PLCL1: variants seen among roughly 807,000 people sequenced by gnomAD.
PLCL1 encodes the protein phospholipase C like 1 (inactive).
A neutral mutation model predicts 84.4 loss-of-function variants in PLCL1; 41 were observed. That is an observed-to-expected ratio of 0.49 (90% CI 0.38 to 0.63). The LOEUF (loss-of-function observed/expected upper bound fraction) is 0.63, where lower values mean the gene tolerates loss of function less well. Among genes scored for constraint, PLCL1 ranks in the 30% least tolerant of loss-of-function variants. The pLI is 0.00. For missense variants in PLCL1, 1,206 were observed against 1,367.8 expected (o/e 0.88, Z 1.87); for synonymous variants, 490 against 488.3 (o/e 1.00, Z -0.05).
At chr2:198,075,206 G>C (rs904079177) in intron 1 of PLCL1, among the ~76,000 whole-genome samples, 11 of 152,184 alleles carry the variant, frequency 7.2e-5, no homozygotes, top group Non-Finnish European at 1.5e-5. Flanking sequence ...GGACAGAATC[G>C]TATCTCGGTC....
chr2:197,972,123 T>C (rs1689881376), intron 1 of PLCL1, among the ~76,000 whole-genome samples: 1 of 152,206 alleles, frequency 6.6e-6, no homozygotes, highest in African/African-American at 2.4e-5. Flanking sequence ...AAAGTGAACA[T>C]TTCTTCAGAA....
chr2:197,908,840 A>C (rs1029302093), intron 1 of PLCL1, among the ~76,000 whole-genome samples: 2 of 152,220 alleles, frequency 1.3e-5, no homozygotes, highest in African/African-American at 4.8e-5. Context: ...TTAAAAATAG[A>C]AAATGTGTGT....
rs181048380 is a variant in PLCL1, at chr2:198,045,427, A to T, written c.241-38331A>T. 3.8e-3 allele frequency among the ~76,000 whole-genome samples: 581 copies of T among 152,300 alleles called. 5 individuals are homozygous for T. The highest frequency in any genetic ancestry group is 0.013 in the African/African-American group (556 of 41,576). The stretch of plus-strand genomic sequence containing the variant: ...AATATGAAACATATTGCATTATTTT[A>T]GATGGAAAGTTAGACTTTGTAATTT... On this transcript the variant is annotated intron_variant, in intron 1 of 5. Transcript: ENST00000428675.
At chr2:197,854,782 G>T (rs1687299893) in intron 1 of PLCL1, among the ~76,000 whole-genome samples, 1 of 152,106 alleles carries the variant, frequency 6.6e-6, no homozygotes, top group Non-Finnish European at 1.5e-5. Flanking sequence ...TAGCACTCAG[G>T]AGTTGCCTGA....
chr2:198,072,964 T>C (rs1692498266), intron 1 of PLCL1, among the ~76,000 whole-genome samples: 1 of 152,200 alleles, frequency 6.6e-6, no homozygotes, highest in Admixed American at 6.5e-5. Flanking sequence ...CTTTATTTCC[T>C]TTTTTCCTTG....
chr2:197,864,504 A>G (rs1440661460), intron 1 of PLCL1, among the ~76,000 whole-genome samples: 1 of 149,214 alleles, frequency 6.7e-6, no homozygotes, highest in Non-Finnish European at 1.5e-5. Context: ...TTTTTAACAC[A>G]GGATCTCACT....
chr2:197,888,201 C>A (rs1461964000), intron 1 of PLCL1, among the ~76,000 whole-genome samples: 1 of 152,026 alleles, frequency 6.6e-6, no homozygotes, highest in African/African-American at 2.4e-5. Context: ...TGTGTGTAAA[C>A]TCTCTGGTTG....
intron 5 of PLCL1, among the ~76,000 whole-genome samples, chr2:198,140,107 T>C (rs1011481619): frequency 2.0e-5 from 3 of 152,166 alleles, no homozygotes; most frequent in East Asian, 1.9e-4. Flanking sequence ...CTAATTTTTG[T>C]TCTTTTAGTA....
At position 198,149,782 on chromosome 2, in the gene PLCL1, A is replaced by G. The variant is rs554538663; in HGVS notation, c.*2820A>G. The G allele has an allele frequency of 1.3e-5, 2 of 152,174 alleles. No individual in the cohort carries two copies. Among genetic ancestry groups the G allele is most frequent in the Non-Finnish European group, 2.9e-5 (2 of 68,008 alleles). 9.4% of individuals were successfully genotyped at this position (152,174 alleles called of 1,614,324 possible). A position where few individuals can be genotyped will look rare whatever the true frequency, so the allele number is the denominator to read the frequency against. On this transcript the variant is annotated 3_prime_UTR_variant, in exon 6 of 6. Transcript: ENST00000428675. Reference sequence around the variant, plus strand: ...TTAACAAAATTGAGATATTATATAAACTGTTTGTAGCAGGGTGTTTAAAAT... The same window carrying G: ...TTAACAAAATTGAGATATTATATAAGCTGTTTGTAGCAGGGTGTTTAAAAT...
intron 3 of PLCL1, among the ~76,000 whole-genome samples, chr2:198,093,754 T>A (rs909392611): frequency 6.6e-6 from 1 of 152,194 alleles, no homozygotes; most frequent in Non-Finnish European, 1.5e-5. Context: ...CCTGAACAGA[T>A]ACAAATGTTT....
intron 3 of PLCL1, among the ~76,000 whole-genome samples, chr2:198,092,094 A>G (rs1484690050): frequency 6.6e-6 from 1 of 151,030 alleles, no homozygotes; most frequent in Non-Finnish European, 1.5e-5. Context: ...CTGCCTCTTT[A>G]GTTTTACTGC....
At chr2:197,948,428 G>A (rs1475654149) in intron 1 of PLCL1, among the ~76,000 whole-genome samples, 1 of 152,176 alleles carries the variant, frequency 6.6e-6, no homozygotes, top group African/African-American at 2.4e-5. Flanking sequence ...GCTTGTGATA[G>A]CTAGCTGGGA....
chr2:197,806,998 G>C (rs1002237806), intron 1 of PLCL1, among the ~76,000 whole-genome samples: 6 of 151,918 alleles, frequency 3.9e-5, no homozygotes, highest in African/African-American at 1.4e-4. Flanking sequence ...TTCTTTTTGT[G>C]ACAAAAAAGG....
chr2:198,107,196 C>G (rs1053507907), intron 5 of PLCL1, among the ~76,000 whole-genome samples: 4 of 151,808 alleles, frequency 2.6e-5, no homozygotes, highest in African/African-American at 4.8e-5. Context: ...TGGAAAAGCC[C>G]TTTATAAAAC....
intron 1 of PLCL1, among the ~76,000 whole-genome samples, chr2:198,024,498 T>C (rs1248357813): frequency 6.6e-6 from 1 of 152,236 alleles, no homozygotes; most frequent in Non-Finnish European, 1.5e-5. Context: ...ACGTGGTGGC[T>C]CATGCCTGTA....
intron 5 of PLCL1, among the ~76,000 whole-genome samples, chr2:198,108,240 T>C (rs943562087): frequency 6.6e-6 from 1 of 151,850 alleles, no homozygotes; most frequent in African/African-American, 2.4e-5. Flanking sequence ...ATAACCATCC[T>C]GGAAAGACAT....
chr2:197,864,478 G>A (rs902726253), intron 1 of PLCL1, among the ~76,000 whole-genome samples: 5 of 146,434 alleles, frequency 3.4e-5, no homozygotes, highest in Non-Finnish European at 7.5e-5. Flanking sequence ...TATTTCAATA[G>A]CATTCTTTTT....
intron 5 of PLCL1, among the ~76,000 whole-genome samples, chr2:198,117,106 G>T (rs1304060807): frequency 6.6e-6 from 1 of 151,844 alleles, no homozygotes; most frequent in African/African-American, 2.4e-5. Context: ...TGAATGTGTT[G>T]CCTGGGAATT....
intron 1 of PLCL1, among the ~76,000 whole-genome samples, chr2:197,857,504 C>T (rs1479524574): frequency 6.6e-6 from 1 of 152,260 alleles, no homozygotes; most frequent in Admixed American, 6.5e-5. Flanking sequence ...AACAAATAAT[C>T]AGCTGATTGT....
Sources: gnomAD v4.1 joint callset for allele counts (sites outside exome capture counted in the v4.1 genomes callset) on GRCh38, gnomAD v4.1.1 for gene constraint, MANE v1.5 for transcripts, NCBI Gene and HGNC (gene_info 2026-07-23, HGNC 2026-07-21) for gene names.